Variants in DEPDC1B observed in about 807,000 individuals in gnomAD.
DEPDC1B encodes DEP domain-containing protein 1B.
A neutral mutation model predicts 66.5 loss-of-function variants in DEPDC1B; 51 were observed. The ratio of observed to expected loss-of-function variants is 0.77; its 90% CI spans 0.61 to 0.97. The LOEUF (loss-of-function observed/expected upper bound fraction) is 0.97, where lower values mean the gene tolerates loss of function less well. Among genes scored for constraint, DEPDC1B ranks in the 50% least tolerant of loss-of-function variants. The pLI is 0.00. For synonymous variants in DEPDC1B, 226 were observed against 223.6 expected (o/e 1.01, Z -0.10); for missense variants, 552 against 637.1 (o/e 0.87, Z 1.44).
At chr5:60,606,374 C>A (rs1246102202) in intron 7 of DEPDC1B, among the ~76,000 whole-genome samples, 2 of 152,104 alleles carry the variant, frequency 1.3e-5, no homozygotes, top group Non-Finnish European at 2.9e-5. Context: ...TAATGCCTTT[C>A]AAATAACCCT....
intron 7 of DEPDC1B, among the ~76,000 whole-genome samples, chr5:60,617,012 C>A (rs530307894): frequency 6.6e-6 from 1 of 152,222 alleles, no homozygotes; most frequent in African/African-American, 2.4e-5. Context: ...AATTTTCAAC[C>A]CAGAATTTCA....
intron 9 of DEPDC1B, among the ~76,000 whole-genome samples, chr5:60,601,246 T>A (rs1300776516): frequency 6.6e-6 from 1 of 152,192 alleles, no homozygotes; most frequent in East Asian, 1.9e-4. Context: ...AGAAACTTGG[T>A]GAAGTATTTC....
chr5:60,611,424 G>A (rs1361168113), intron 7 of DEPDC1B, among the ~76,000 whole-genome samples: 1 of 152,192 alleles, frequency 6.6e-6, no homozygotes, highest in African/African-American at 2.4e-5. Context: ...AGTGAAAGAA[G>A]AGTCACACAT....
chr5:60,632,881 G>A (rs1453920292), intron 7 of DEPDC1B, among the ~76,000 whole-genome samples: 2 of 152,210 alleles, frequency 1.3e-5, no homozygotes, highest in African/African-American at 4.8e-5. Context: ...TGGACTTCTG[G>A]AAGTGAAGAG....
rs534282247 is a variant in DEPDC1B at position 60,668,183 on chromosome 5, T to TTATA, written c.314+18775_314+18778dup. Among the ~76,000 whole-genome samples the TTATA allele has an allele frequency of 9.5e-4, 4 of 4,192 alleles. 1 individual carries two copies. The highest frequency in any genetic ancestry group is 2.0e-3 in the Non-Finnish European group (4 of 1,960). 2.8% of individuals were successfully genotyped at this position (4,192 alleles called of 152,430 possible). On this transcript the variant is annotated intron_variant, in intron 2 of 10. Coordinates refer to ENST00000265036, the MANE Select transcript of DEPDC1B (RefSeq NM_018369.3). ...ATTATATATATATAAAATGGATATTTTATATATATATAAAATGGATATTTT... is the reference window on the plus strand; with the variant it reads ...ATTATATATATATAAAATGGATATTTTATATATATATATATAAAATGGATATTTT...
Position 60,651,512 on chromosome 5 carries a change from C to G in DEPDC1B, c.315-3979G>C, listed in dbSNP as rs1266302234. Among the ~76,000 whole-genome samples, 7 of 143,804 alleles carry G rather than the reference C, an allele frequency of 4.9e-5. No homozygotes were observed. In the Admixed American group the frequency reaches 4.9e-4, roughly 10 times the overall value. The allele number at this position is 143,804 out of a possible 152,430, so 94.3% of individuals were successfully genotyped here. On this transcript the variant is annotated intron_variant, in intron 2 of 10. Coordinates refer to ENST00000265036, the MANE Select transcript of DEPDC1B (RefSeq NM_018369.3). Reference sequence around the variant, plus strand: ...CACTGCACCACTTCAGACTGGGCAACAGAGAGAGACTCCACCTAAAAAAAA... The same window carrying G: ...CACTGCACCACTTCAGACTGGGCAAGAGAGAGAGACTCCACCTAAAAAAAA...
chr5:60,697,038 A>G (rs1384284445), intron 1 of DEPDC1B, among the ~76,000 whole-genome samples: 1 of 150,516 alleles, frequency 6.6e-6, no homozygotes, highest in African/African-American at 2.5e-5. Context: ...GTTGCATCAG[A>G]CCATATATAT....
rs577171557 is a variant in DEPDC1B at position 60,608,961 on chromosome 5, T to G, written c.899-3105A>C. 2.1e-4 allele frequency among the ~76,000 whole-genome samples: 32 copies of G among 152,042 alleles called. No individual in the cohort carries two copies. In the East Asian group the frequency reaches 5.6e-3, roughly 27 times the overall value. ...CCATCCCTACAAAAACATTAAAAAA[T>G]TAGATAGGCATAGTGGTGCATGCTT... On this transcript the variant is annotated intron_variant, in intron 7 of 10. Coordinates refer to ENST00000265036, the MANE Select transcript of DEPDC1B (RefSeq NM_018369.3).
Position 60,645,568 on chromosome 5 carries a change from C to G in DEPDC1B, c.502G>C (p.Ala168Pro). The G allele has an allele frequency of 6.2e-7, 1 of 1,613,156 alleles. No individual in the cohort carries two copies. The highest frequency in any genetic ancestry group is 8.5e-7 in the Non-Finnish European group (1 of 1,179,478). Residue 168 changes from alanine (A) to proline (P), a missense_variant, in exon 4 of 11, where the codon GCT becomes CCT. Coordinates refer to ENST00000265036, the MANE Select transcript of DEPDC1B (RefSeq NM_018369.3). ...RHSIAIGEVPACRLVHRRQLT... is the reference protein window; with the variant it reads ...RHSIAIGEVPPCRLVHRRQLT... ...TGTCTGCGGTGGACAAGACGGCAAG[C>G]TGGCACCTCTCCAATTGCAATACTG...
chr5:60,684,577 G>A (rs1234047625), intron 2 of DEPDC1B, among the ~76,000 whole-genome samples: 1 of 152,094 alleles, frequency 6.6e-6, no homozygotes, highest in Admixed American at 6.6e-5. Flanking sequence ...CTCTCACCAT[G>A]TATAAAAGTC....
intron 2 of DEPDC1B, among the ~76,000 whole-genome samples, chr5:60,664,064 C>A (rs1036902801): frequency 6.6e-6 from 1 of 152,218 alleles, no homozygotes. Context: ...AAAGCCAATA[C>A]CCATTTAGTA....
chr5:60,667,639 G>T lies in DEPDC1B; in HGVS notation c.314+19323C>A, dbSNP rs1183983556. Among the ~76,000 whole-genome samples, 12 of 123,254 alleles carry T rather than the reference G, an allele frequency of 9.7e-5. 1 individual carries two copies. Among genetic ancestry groups the T allele is most frequent in the Admixed American group, 1.8e-4 (2 of 10,816 alleles). 80.9% of individuals were successfully genotyped at this position (123,254 alleles called of 152,430 possible). A position where few individuals can be genotyped will look rare whatever the true frequency, so the allele number is the denominator to read the frequency against. ...TAAAAAATGGATATTTTACATATAT[G>T]AAAAATGGATATTTTACATGTATAT... On this transcript the variant is annotated intron_variant, in intron 2 of 10. Transcript: ENST00000265036.
At position 60,700,040 on chromosome 5, in the gene DEPDC1B, A is replaced by C; in HGVS notation, c.48+6T>G. ...GCTCCGCCCAGGCCCCAGCACACTC[A>C]CTCACCAGCCTGGTAGCTCGGTACG... On this transcript the variant is annotated splice_donor_region_variant and intron_variant, in intron 1 of 10. Coordinates refer to ENST00000265036, the MANE Select transcript of DEPDC1B (RefSeq NM_018369.3). 1 of 1,555,006 alleles carries C rather than the reference A, an allele frequency of 6.4e-7. No homozygotes were observed. Among genetic ancestry groups the C allele is most frequent in the South Asian group, 1.2e-5 (1 of 84,312 alleles).
At chr5:60,692,350 T>G (rs1754564382) in intron 1 of DEPDC1B, among the ~76,000 whole-genome samples, 1 of 152,172 alleles carries the variant, frequency 6.6e-6, no homozygotes, top group Non-Finnish European at 1.5e-5. Context: ...ATGTTAAGTA[T>G]TTGAGGTGAT....
In DEPDC1B at chr5:60,697,291, A is replaced by ATTTGT. The variant is rs1382020027; in HGVS notation, c.48+2754_48+2755insACAAA. ...CTTTGGTGCTTTAGAAAAAGCACCA[A>ATTTGT]AGAGCTTTTTCTAAAGCTGTACATG... is the stretch of plus-strand genomic sequence containing the variant. On this transcript the variant is annotated intron_variant, in intron 1 of 10. Coordinates refer to ENST00000265036, the MANE Select transcript of DEPDC1B (RefSeq NM_018369.3). 5.3e-4 allele frequency among the ~76,000 whole-genome samples: 80 copies of ATTTGT among 152,308 alleles called. 1 individual carries two copies. The East Asian group carries it at 0.013, about 25-fold the overall frequency.
rs1752155326 is a variant in DEPDC1B, at chr5:60,599,233, T to C, written c.1270A>G (p.Ile424Val). Reference sequence around the variant, plus strand: ...CAAAATGATGGAGCAGATAAAGTGATATCCATATCAGCTCCTGGGTATTTT... The same window carrying C: ...CAAAATGATGGAGCAGATAAAGTGACATCCATATCAGCTCCTGGGTATTTT... ...QIKYPGADMDITLSAPSFCRQ... is the reference protein window; with the variant it reads ...QIKYPGADMDVTLSAPSFCRQ... The change falls in exon 10 of 11, where the codon ATC (isoleucine) becomes GTC (valine). Residue 424 changes from isoleucine to valine, a missense_variant. Physicochemically the swap from Ile to Val is conservative, Grantham distance 29. Coordinates refer to ENST00000265036, the MANE Select transcript of DEPDC1B (RefSeq NM_018369.3). 3.1e-6 allele frequency: 5 copies of C among 1,607,528 alleles called. No homozygotes were observed. The African/African-American group carries it at 5.4e-5, about 17-fold the overall frequency.
rs140783244 is a variant in DEPDC1B, at chr5:60,685,286, G to A, written c.314+1676C>T. 1.6e-3 allele frequency among the ~76,000 whole-genome samples: 246 copies of A among 152,046 alleles called. 1 individual carries two copies. The highest frequency in any genetic ancestry group is 1.9e-3 in the Non-Finnish European group (131 of 68,006). ...TAACAAATGATTTACATGTCTAAAC[G>A]GATTTCATCCCAGCTTAATCTAGGT... On this transcript the variant is annotated intron_variant, in intron 2 of 10. Transcript: ENST00000265036.
intron 2 of DEPDC1B, among the ~76,000 whole-genome samples, chr5:60,681,491 C>G (rs1754294968): frequency 6.6e-6 from 1 of 152,096 alleles, no homozygotes; most frequent in African/African-American, 2.4e-5. Context: ...ATAGATAGAT[C>G]TACAGGAAAA....
intron 2 of DEPDC1B, among the ~76,000 whole-genome samples, chr5:60,675,903 C>CT (rs35113345): frequency 3.8e-3 from 524 of 138,866 alleles, no homozygotes; most frequent in South Asian, 5.5e-3. Context: ...TTTCTTTTTT[C>CT]TTTTTTTTTT....
Sources: gnomAD v4.1 joint callset for allele counts (sites outside exome capture counted in the v4.1 genomes callset) on GRCh38, gnomAD v4.1.1 for gene constraint, MANE v1.5 for transcripts, NCBI Gene and HGNC (gene_info 2026-07-23, HGNC 2026-07-21) for gene names.